The following DOCK4 variants were observed in gnomAD, a reference collection of about 807,000 sequenced individuals.
DOCK4 encodes the protein dedicator of cytokinesis protein 4.
A neutral mutation model predicts 268.1 loss-of-function variants in DOCK4; 97 were observed. The observed-to-expected ratio is 0.36, with a 90% CI of 0.31 to 0.43. The LOEUF is 0.43. DOCK4 is among the 20% of genes least tolerant of loss of function. DOCK4 has a pLI of 1.00. For synonymous variants in DOCK4, 954 were observed against 887.2 expected, an observed-to-expected ratio of 1.08 and a Z score of -1.34; for missense variants, 2,145 against 2,455.7, an observed-to-expected ratio of 0.87 and a Z score of 2.67.
intron 13 of DOCK4, among the ~76,000 whole-genome samples, chr7:111,908,396 C>T (rs1791786176): frequency 6.6e-6 from 1 of 151,732 alleles, no homozygotes; most frequent in African/African-American, 2.4e-5. Flanking sequence ...TGCAGTGAGC[C>T]GAGATCGTGC....
chr7:111,969,089 T>C (rs1212210470), intron 8 of DOCK4, among the ~76,000 whole-genome samples: 2 of 104,246 alleles, frequency 1.9e-5, no homozygotes, highest in South Asian at 3.8e-4. Context: ...AGGGATAGCA[T>C]TGGGAGATAT....
chr7:111,946,904 G>A (rs1387490124), intron 8 of DOCK4, among the ~76,000 whole-genome samples: 2 of 152,114 alleles, frequency 1.3e-5, no homozygotes, highest in Non-Finnish European at 2.9e-5. Flanking sequence ...TAGATCCAAG[G>A]TAATGTGTGA....
intron 1 of DOCK4, among the ~76,000 whole-genome samples, chr7:112,197,963 C>T (rs1311367578): frequency 8.2e-6 from 1 of 121,398 alleles, no homozygotes; most frequent in East Asian, 2.4e-4. Context: ...TAAGCCTGAC[C>T]TGCCTAGAAA....
At chr7:112,032,347 A>C (rs1444635887) in intron 1 of DOCK4, among the ~76,000 whole-genome samples, 2 of 152,218 alleles carry the variant, frequency 1.3e-5, no homozygotes, top group Non-Finnish European at 2.9e-5. Flanking sequence ...CTTATTTTAA[A>C]TTGGCAATCC....
chr7:111,871,220 T>A (rs762565076), intron 20 of DOCK4, among the ~76,000 whole-genome samples: 1 of 152,098 alleles, frequency 6.6e-6, no homozygotes, highest in Non-Finnish European at 1.5e-5. Flanking sequence ...AGGTATAAGG[T>A]AGAAATATGG....
At chr7:111,935,665 T>A in intron 11 of DOCK4, 37 bp from the exon 12 acceptor site, 1 of 1,550,852 alleles carries the variant, frequency 6.4e-7, no homozygotes, top group Non-Finnish European at 8.9e-7. Context: ...GCTTTAATGA[T>A]GCATGCAGTC....
chr7:111,736,570 C>T (rs1329104102), intron 50 of DOCK4, among the ~76,000 whole-genome samples: 1 of 152,104 alleles, frequency 6.6e-6, no homozygotes, highest in African/African-American at 2.4e-5. Flanking sequence ...ACCACCGAAT[C>T]GATCCGGGTG....
chr7:111,803,384 G>C (rs1403511172), intron 30 of DOCK4, among the ~76,000 whole-genome samples: 1 of 152,186 alleles, frequency 6.6e-6, no homozygotes, highest in Non-Finnish European at 1.5e-5. Flanking sequence ...TTAAACCATA[G>C]ATTTAGTATA....
chr7:111,874,860 C>T (rs911978368), intron 17 of DOCK4, among the ~76,000 whole-genome samples: 1 of 152,216 alleles, frequency 6.6e-6, no homozygotes, highest in African/African-American at 2.4e-5. Context: ...GACAGACACA[C>T]TTTGGGAATT....
chr7:111,959,033 C>T (rs1440692585), intron 8 of DOCK4, among the ~76,000 whole-genome samples: 7 of 152,062 alleles, frequency 4.6e-5, no homozygotes, highest in Admixed American at 6.6e-5. Context: ...GACAACACTC[C>T]CACATTTCAT....
intron 13 of DOCK4, among the ~76,000 whole-genome samples, chr7:111,905,009 G>A (rs58885165): frequency 0.2 from 30,897 of 152,118 alleles, 3,486 homozygotes; most frequent in African/African-American, 0.28. Flanking sequence ...TCTTTGAAAA[G>A]AGAATACATG....
intron 1 of DOCK4, among the ~76,000 whole-genome samples, chr7:112,052,747 C>A (rs1805475725): frequency 6.6e-6 from 1 of 152,128 alleles, no homozygotes; most frequent in East Asian, 1.9e-4. Context: ...TCCCTCCCAC[C>A]ATCCCCCTTT....
At position 112,017,904 on chromosome 7, in the gene DOCK4, A is replaced by G. The variant is rs1242083634; in HGVS notation, c.38-13773T>C. 2.0e-5 allele frequency among the ~76,000 whole-genome samples: 3 copies of G among 152,020 alleles called. No homozygotes were observed. In the East Asian group the frequency reaches 5.8e-4, roughly 29 times the overall value. On this transcript the variant is annotated intron_variant, in intron 1 of 52. Coordinates refer to ENST00000428084, the MANE Select transcript of DOCK4 (RefSeq NM_001363540.2). ...AAGGCCTTATAGGAACACTCACATC[A>G]TTCTACATATGGTACTTGTAAACCT...
At position 111,930,315 on chromosome 7, in the gene DOCK4, A is replaced by G. The variant is rs1472394485; in HGVS notation, c.1066+5225T>C. Among the ~76,000 whole-genome samples, 2 of 152,318 alleles carry G rather than the reference A, an allele frequency of 1.3e-5. 1 individual carries two copies. The highest frequency in any genetic ancestry group is 1.3e-4 in the Admixed American group (2 of 15,304). ...ATAGTGGTTAATGTACCTTTGCAAC[A>G]TAAGTCTTAGGTTAGAGGGGAAAAA... is the stretch of plus-strand genomic sequence containing the variant. On this transcript the variant is annotated intron_variant, in intron 12 of 52. Transcript: ENST00000428084.
At chr7:112,005,145 A>G (rs1482951940) in intron 1 of DOCK4, among the ~76,000 whole-genome samples, 1 of 152,230 alleles carries the variant, frequency 6.6e-6, no homozygotes, top group African/African-American at 2.4e-5. Flanking sequence ...TAAAAGGCCA[A>G]AATTTTAGGA....
rs563613632 is a variant in DOCK4 at position 111,760,418 on chromosome 7, C to A, written c.4021-96G>T. The A allele has an allele frequency of 3.1e-6, 4 of 1,278,392 alleles. No individual in the cohort carries two copies. The African/African-American group carries it at 5.9e-5, about 19-fold the overall frequency. 79.2% of individuals were successfully genotyped at this position (1,278,392 alleles called of 1,614,324 possible). A position where few individuals can be genotyped will look rare whatever the true frequency, so the allele number is the denominator to read the frequency against. ...GACACTGGCAGTAACTGACCACATG[C>A]CCCATACCAAGACACTATAACAAAA... is the stretch of plus-strand genomic sequence containing the variant. On this transcript the variant is annotated intron_variant, in intron 39 of 52. Coordinates refer to ENST00000428084, the MANE Select transcript of DOCK4 (RefSeq NM_001363540.2).
intron 16 of DOCK4, among the ~76,000 whole-genome samples, chr7:111,883,757 T>C (rs1807612619): frequency 6.6e-6 from 1 of 152,190 alleles, no homozygotes; most frequent in Non-Finnish European, 1.5e-5. Context: ...GCCTTCATTC[T>C]CACTTCTCCC....
At chr7:112,107,253 T>C (rs1811215465) in intron 1 of DOCK4, among the ~76,000 whole-genome samples, 1 of 152,244 alleles carries the variant, frequency 6.6e-6, no homozygotes, top group African/African-American at 2.4e-5. Flanking sequence ...ATTGAAGTCC[T>C]AACTCCTGGT....
At chr7:111,855,988 A>T (rs948663387) in intron 23 of DOCK4, among the ~76,000 whole-genome samples, 2 of 152,188 alleles carry the variant, frequency 1.3e-5, no homozygotes, top group Non-Finnish European at 2.9e-5. Context: ...CAGCTTAAAC[A>T]GGAAGAGTGA....
Sources: allele counts gnomAD v4.1 joint callset (sites outside exome capture counted in the v4.1 genomes callset), GRCh38; gene constraint gnomAD v4.1.1; transcripts MANE v1.5; gene names NCBI Gene and HGNC (gene_info 2026-07-23, HGNC 2026-07-21).